RCAN2: variants seen among roughly 807,000 people sequenced by gnomAD.
RCAN2 encodes regulator of calcineurin 2, also known as calcipressin-2.
RCAN2 carries 9 observed loss-of-function variants against 23.6 expected under a neutral mutation model. That is an observed-to-expected ratio of 0.38 (90% confidence interval 0.23 to 0.67). RCAN2 has a LOEUF of 0.67. Ranked by LOEUF, RCAN2 falls within the 30% of genes least tolerant of loss-of-function variation. The pLI, the probability that RCAN2 is intolerant of heterozygous loss-of-function variation, is 0.51. For missense variants in RCAN2, 273 were observed against 302.3 expected, an observed-to-expected ratio of 0.90 and a Z score of 0.72; for synonymous variants, 109 against 115.7, an observed-to-expected ratio of 0.94 and a Z score of 0.37.
chr6:46,337,029 T>G (rs1764166370), intron 2 of RCAN2, among the ~76,000 whole-genome samples: 1 of 151,672 alleles, frequency 6.6e-6, no homozygotes, highest in Non-Finnish European at 1.5e-5. Context: ...TCATGGTAAC[T>G]GTAACTGAAA....
chr6:46,237,123 G>T (rs1042441830), intron 4 of RCAN2, among the ~76,000 whole-genome samples: 3 of 152,152 alleles, frequency 2.0e-5, no homozygotes, highest in Non-Finnish European at 4.4e-5. Flanking sequence ...CTACTGAAAG[G>T]GAGCCTAGTT....
chr6:46,310,785 T>A (rs902182131), intron 2 of RCAN2, among the ~76,000 whole-genome samples: 1 of 152,224 alleles, frequency 6.6e-6, no homozygotes, highest in Non-Finnish European at 1.5e-5. Context: ...GATGGATTTT[T>A]CTTTTATTCC....
intron 4 of RCAN2, among the ~76,000 whole-genome samples, chr6:46,240,809 ACACCATACCAAG>A (rs1766278790): frequency 6.6e-6 from 1 of 152,130 alleles, no homozygotes; most frequent in Admixed American, 6.6e-5. Flanking sequence ...ATTGGGGAAA[ACACCATACCAAG>A]CAGTAACACC....
At position 46,359,409 on chromosome 6, in the gene RCAN2, A is replaced by G. The variant is rs1169832665; in HGVS notation, c.225+97343T>C. 5.9e-5 allele frequency among the ~76,000 whole-genome samples: 9 copies of G among 152,366 alleles called. 1 individual carries two copies. In the East Asian group the frequency reaches 1.7e-3, roughly 29 times the overall value. ...AGAAGTGAGAAGACAGCAAAGATGT[A>G]CTTCATCTATGTCAACATTCGGCCT... On this transcript the variant is annotated intron_variant, in intron 2 of 4. Coordinates refer to ENST00000371374, the MANE Select transcript of RCAN2 (RefSeq NM_001251974.2).
intron 2 of RCAN2, among the ~76,000 whole-genome samples, chr6:46,320,413 T>C (rs902320747): frequency 6.6e-6 from 1 of 152,202 alleles, no homozygotes; most frequent in African/African-American, 2.4e-5. Context: ...AAACAAGTGA[T>C]TTGAAATGTC....
chr6:46,331,716 T>G (rs1300429951), intron 2 of RCAN2, among the ~76,000 whole-genome samples: 1 of 152,158 alleles, frequency 6.6e-6, no homozygotes, highest in East Asian at 1.9e-4. Flanking sequence ...TTGTACTGGG[T>G]TGGGTATTGT....
rs879871141 is a variant in RCAN2, at chr6:46,383,295, G to A, written c.225+73457C>T. 4.0e-4 allele frequency among the ~76,000 whole-genome samples: 61 copies of A among 151,738 alleles called. 2 individuals carry two copies. Among genetic ancestry groups the A allele is most frequent in the Admixed American group, 1.5e-3 (23 of 15,198 alleles). ...ACGCCTTGAAGAATGAATAGAATTT[G>A]CATGAGTGGAATGAAAGAAGTGGAG... On this transcript the variant is annotated intron_variant, in intron 2 of 4. Transcript: ENST00000371374.
intron 2 of RCAN2, among the ~76,000 whole-genome samples, chr6:46,436,491 C>T (rs1387470330): frequency 2.6e-5 from 4 of 152,268 alleles, no homozygotes; most frequent in Non-Finnish European, 4.4e-5. Context: ...CTGGGATTAT[C>T]GGCATGAGCC....
At chr6:46,233,478 A>G (rs2584075) in intron 4 of RCAN2, among the ~76,000 whole-genome samples, 146,105 of 152,182 alleles carry the variant, frequency 0.96, 70,181 homozygotes, top group East Asian at 1. Context: ...CATTGAGGAA[A>G]GGGGGATGGC....
chr6:46,391,154 T>C (rs1471918706), intron 2 of RCAN2, among the ~76,000 whole-genome samples: 1 of 152,188 alleles, frequency 6.6e-6, no homozygotes, highest in Non-Finnish European at 1.5e-5. Flanking sequence ...AGTTTCCTCA[T>C]AAGTGAAACT....
intron 2 of RCAN2, among the ~76,000 whole-genome samples, chr6:46,342,439 C>T (rs1295446752): frequency 1.3e-5 from 2 of 151,230 alleles, no homozygotes; most frequent in South Asian, 4.2e-4. Context: ...GTAGTCCCAG[C>T]TACTCAGGAG....
At chr6:46,487,029 CA>C (rs1487949469) in intron 1 of RCAN2, among the ~76,000 whole-genome samples, 1 of 152,174 alleles carries the variant, frequency 6.6e-6, no homozygotes, top group Non-Finnish European at 1.5e-5. Flanking sequence ...GAACAGTGAA[CA>C]CTTTACAGGC....
rs563415604 is a variant in RCAN2, at chr6:46,405,327, C to T, written c.225+51425G>A. 3.9e-4 allele frequency among the ~76,000 whole-genome samples: 60 copies of T among 152,254 alleles called. No homozygotes were observed. The South Asian group carries it at 0.012, about 32-fold the overall frequency. ...TGCAAAGAGGGAAAGAACAAAGCTT[C>T]CACAGGGTGGAAGGGGACCCGAGCG... is the stretch of plus-strand genomic sequence containing the variant. On this transcript the variant is annotated intron_variant, in intron 2 of 4. Coordinates refer to ENST00000371374, the MANE Select transcript of RCAN2 (RefSeq NM_001251974.2).
chr6:46,304,889 T>A (rs1266326842), intron 2 of RCAN2, among the ~76,000 whole-genome samples: 1 of 151,978 alleles, frequency 6.6e-6, no homozygotes, highest in Non-Finnish European at 1.5e-5. Flanking sequence ...GAACGGGGGG[T>A]GCCCAGTAGA....
At position 46,234,025 on chromosome 6, in the gene RCAN2, G is replaced by A. The variant is rs1370966770; in HGVS notation, c.572-10724C>T. Among the ~76,000 whole-genome samples, 6 of 152,216 alleles carry A rather than the reference G, an allele frequency of 3.9e-5. No individual in the cohort carries two copies. In the East Asian group the frequency reaches 9.7e-4, roughly 25 times the overall value. ...ATTACAGGCGTGAGCCACCGTGCCC[G>A]GCCTGAAGACACTTCTTTTGCAATG... On this transcript the variant is annotated intron_variant, in intron 4 of 4. Transcript: ENST00000371374.
intron 2 of RCAN2, among the ~76,000 whole-genome samples, chr6:46,339,684 C>A (rs1582121028): frequency 1.3e-5 from 2 of 152,152 alleles, no homozygotes; most frequent in East Asian, 3.9e-4. Flanking sequence ...ACCATCCCTG[C>A]ATTCAATTTC....
intron 2 of RCAN2, among the ~76,000 whole-genome samples, chr6:46,350,340 T>G (rs1157793383): frequency 6.6e-6 from 1 of 152,170 alleles, no homozygotes; most frequent in Non-Finnish European, 1.5e-5. Flanking sequence ...TGGTTGATGT[T>G]AAGAAGAATT....
At chr6:46,301,611 A>G (rs981035246) in intron 2 of RCAN2, among the ~76,000 whole-genome samples, 1 of 152,148 alleles carries the variant, frequency 6.6e-6, no homozygotes, top group African/African-American at 2.4e-5. Flanking sequence ...GATACAGACA[A>G]TTAACAAATA....
At chr6:46,223,556 T>A (rs77028430) in intron 4 of RCAN2, among the ~76,000 whole-genome samples, 1 of 152,160 alleles carries the variant, frequency 6.6e-6, no homozygotes, top group Non-Finnish European at 1.5e-5. Flanking sequence ...TTACCGTAAA[T>A]TTCAACATGG....
Sources: gnomAD v4.1 joint callset for allele counts (sites outside exome capture counted in the v4.1 genomes callset) on GRCh38, gnomAD v4.1.1 for gene constraint, MANE v1.5 for transcripts, NCBI Gene and HGNC (gene_info 2026-07-23, HGNC 2026-07-21) for gene names.